LIPC: variants seen among roughly 807,000 people sequenced by gnomAD.
LIPC encodes hepatic triacylglycerol lipase.
Under a neutral mutation model 50.7 loss-of-function variants are expected in LIPC, and 44 were observed. That is an observed-to-expected ratio of 0.87 (90% CI 0.68 to 1.11). The LOEUF is 1.11. Ranked by LOEUF, LIPC falls within the 50% of genes most tolerant of loss-of-function variation. The probability of loss-of-function intolerance (pLI) is 0.00; values close to 1 mark genes in which losing one functional copy is unlikely to be tolerated. For missense variants in LIPC, 697 were observed against 648.2 expected, an observed-to-expected ratio of 1.08 and a Z score of -0.82; for synonymous variants, 271 against 256.4, an observed-to-expected ratio of 1.06 and a Z score of -0.54.
intron 1 of LIPC, among the ~76,000 whole-genome samples, chr15:58,474,869 C>T (rs1256142382): frequency 6.6e-6 from 1 of 152,214 alleles, no homozygotes; most frequent in African/African-American, 2.4e-5. Context: ...AGCCAATGAG[C>T]CTCCTGACCT....
At chr15:58,503,877 C>G (rs1455203209) in intron 1 of LIPC, among the ~76,000 whole-genome samples, 1 of 150,472 alleles carries the variant, frequency 6.6e-6, no homozygotes, top group Non-Finnish European at 1.5e-5. Flanking sequence ...CCAGGGTGGA[C>G]TTTTTATATG....
At chr15:58,552,673 C>T (rs1156492827) in intron 6 of LIPC, among the ~76,000 whole-genome samples, 3 of 152,318 alleles carry the variant, frequency 2.0e-5, no homozygotes, top group African/African-American at 7.2e-5. Context: ...AGCTGTGACT[C>T]GGGCAGTCGG....
intron 1 of LIPC, among the ~76,000 whole-genome samples, chr15:58,531,006 C>G (rs1465153766): frequency 3.3e-5 from 5 of 152,152 alleles, no homozygotes; most frequent in Non-Finnish European, 5.9e-5. Context: ...TTCCATTTCT[C>G]TTGAGTAAAC....
chr15:58,561,439 G>A (rs1253261398), intron 7 of LIPC, among the ~76,000 whole-genome samples: 3 of 143,372 alleles, frequency 2.1e-5, no homozygotes, highest in Middle Eastern at 3.5e-3. Context: ...GTCGGGATTA[G>A]ATAAGGGGTT....
intron 1 of LIPC, among the ~76,000 whole-genome samples, chr15:58,499,670 G>A (rs1437282119): frequency 6.6e-6 from 1 of 152,138 alleles, no homozygotes; most frequent in South Asian, 2.1e-4. Flanking sequence ...TCTCTCCTGG[G>A]GGGATCCATT....
At chr15:58,512,013 A>G (rs1892344471) in intron 1 of LIPC, among the ~76,000 whole-genome samples, 1 of 152,232 alleles carries the variant, frequency 6.6e-6, no homozygotes, top group South Asian at 2.1e-4. Flanking sequence ...ACCTAGAAGG[A>G]AATCACAACC....
At chr15:58,551,969 T>C (rs559197659) in intron 6 of LIPC, among the ~76,000 whole-genome samples, 4 of 152,282 alleles carry the variant, frequency 2.6e-5, no homozygotes, top group Non-Finnish European at 4.4e-5. Flanking sequence ...CAAGAGAGAA[T>C]TGGGAAACAG....
chr15:58,452,269 G>A (rs1489171886), intron 1 of LIPC, among the ~76,000 whole-genome samples: 1 of 152,216 alleles, frequency 6.6e-6, no homozygotes, highest in African/African-American at 2.4e-5. Context: ...GGGCCCGGCA[G>A]TCTGGGTTTT....
intron 1 of LIPC, among the ~76,000 whole-genome samples, chr15:58,465,150 CA>C (rs1894504062): frequency 6.6e-6 from 1 of 152,128 alleles, no homozygotes; most frequent in Admixed American, 6.5e-5. Context: ...CCTCAGGAAC[CA>C]GGGGAAAAAG....
At chr15:58,485,796 T>G (rs189313615) in intron 1 of LIPC, among the ~76,000 whole-genome samples, 180 of 152,324 alleles carry the variant, frequency 1.2e-3, no homozygotes, top group African/African-American at 4.2e-3. Flanking sequence ...GAGGGAGAGG[T>G]GGGCTTGGCC....
intron 7 of LIPC, among the ~76,000 whole-genome samples, chr15:58,561,342 T>C (rs1316814839): frequency 2.0e-5 from 3 of 152,168 alleles, no homozygotes; most frequent in African/African-American, 7.2e-5. Flanking sequence ...GCAGGGGAGC[T>C]TCCAAGTCAT....
intron 5 of LIPC, among the ~76,000 whole-genome samples, chr15:58,547,696 G>A (rs1893585349): frequency 6.6e-6 from 1 of 151,848 alleles, no homozygotes; most frequent in Non-Finnish European, 1.5e-5. Flanking sequence ...TTGGGGGTGA[G>A]GCCTGTCCAG....
At chr15:58,539,674 C>T (rs1206134677) in intron 2 of LIPC, among the ~76,000 whole-genome samples, 1 of 151,978 alleles carries the variant, frequency 6.6e-6, no homozygotes, top group Non-Finnish European at 1.5e-5. Context: ...GAAAATGAAC[C>T]CTTCCATCAC....
intron 1 of LIPC, among the ~76,000 whole-genome samples, chr15:58,500,552 G>A (rs1891948026): frequency 1.3e-5 from 2 of 152,102 alleles, no homozygotes; most frequent in African/African-American, 4.8e-5. Context: ...CTTGAGGGCT[G>A]GGAGAAGATG....
chr15:58,458,438 G>A (rs1894216154), intron 1 of LIPC, among the ~76,000 whole-genome samples: 1 of 152,196 alleles, frequency 6.6e-6, no homozygotes, highest in Non-Finnish European at 1.5e-5. Flanking sequence ...TTATGTTGGT[G>A]CATATGCTGC....
chr15:58,511,783 GT>G (rs1365384323), intron 1 of LIPC, among the ~76,000 whole-genome samples: 3 of 152,284 alleles, frequency 2.0e-5, no homozygotes, highest in South Asian at 2.1e-4. Flanking sequence ...GGAAAAAACT[GT>G]GGTTGTAACT....
chr15:58,530,445 G>A (rs1235598950), intron 1 of LIPC, among the ~76,000 whole-genome samples: 1 of 152,260 alleles, frequency 6.6e-6, no homozygotes, highest in African/African-American at 2.4e-5. Context: ...GCCAGGCCCA[G>A]CCCTGACTTA....
At chr15:58,486,953 C>T (rs972144594) in intron 1 of LIPC, among the ~76,000 whole-genome samples, 1 of 152,182 alleles carries the variant, frequency 6.6e-6, no homozygotes, top group African/African-American at 2.4e-5. Flanking sequence ...CTGGTGAGCA[C>T]GGGCCCACAG....
chr15:58,479,008 C>A (rs1891096777), intron 1 of LIPC, among the ~76,000 whole-genome samples: 2 of 152,216 alleles, frequency 1.3e-5, no homozygotes, highest in Non-Finnish European at 2.9e-5. Flanking sequence ...ACTGGACTTT[C>A]AGATGTTCAA....
Sources: gnomAD v4.1 joint callset for allele counts (sites outside exome capture counted in the v4.1 genomes callset) on GRCh38, gnomAD v4.1.1 for gene constraint, MANE v1.5 for transcripts, NCBI Gene and HGNC (gene_info 2026-07-23, HGNC 2026-07-21) for gene names.